The following MBIP variants were observed in gnomAD, a reference collection of about 807,000 sequenced individuals.
MBIP encodes the protein MAP3K12 binding inhibitory protein 1.
In MBIP, 32 loss-of-function variants were observed where a neutral mutation model predicts 45.7. The ratio of observed to expected loss-of-function variants is 0.70; its 90% CI spans 0.53 to 0.94. The LOEUF is 0.94. Ranked by LOEUF, MBIP falls within the 40% of genes least tolerant of loss-of-function variation. The pLI is 0.00. For synonymous variants in MBIP, 145 were observed against 141.0 expected, an observed-to-expected ratio of 1.03 and a Z score of -0.20; for missense variants, 381 against 405.5, an observed-to-expected ratio of 0.94 and a Z score of 0.52.
chr14:36,320,118 G>A (rs1443348217), intron 1 of MBIP, among the ~76,000 whole-genome samples: 2 of 151,996 alleles, frequency 1.3e-5, no homozygotes, highest in African/African-American at 4.8e-5. Context: ...GTAAGTTGGA[G>A]GAAAAAGGAC....
At chr14:36,306,403 C>T (rs965049531) in intron 7 of MBIP, among the ~76,000 whole-genome samples, 2 of 152,026 alleles carry the variant, frequency 1.3e-5, no homozygotes, top group Non-Finnish European at 2.9e-5. Flanking sequence ...TATAGGCATG[C>T]GCCACCATGC....
intron 7 of MBIP, among the ~76,000 whole-genome samples, chr14:36,305,764 T>A (rs996508805): frequency 6.6e-6 from 1 of 152,168 alleles, no homozygotes; most frequent in Admixed American, 6.5e-5. Flanking sequence ...CACAAAAGTA[T>A]CTCTCTCTCT....
At chr14:36,316,672 C>G in intron 2 of MBIP, 21 bp downstream of exon 2, 5 of 1,588,326 alleles carry the variant, frequency 3.1e-6, no homozygotes, top group Non-Finnish European at 4.3e-6. Context: ...ATCGGGTTAT[C>G]ATTTCTAACA....
intron 4 of MBIP, 151 bp from the exon 5 acceptor site, chr14:36,312,175 T>C (rs1314421188): frequency 4.4e-6 from 2 of 450,958 alleles, no homozygotes; most frequent in Non-Finnish European, 7.8e-6. Flanking sequence ...ACACATAGGA[T>C]AGAATTTAGT....
Position 36,298,934 on chromosome 14 carries a change from T to C in MBIP, c.*149A>G, listed in dbSNP as rs1013456717. 3 of 492,372 alleles carry C rather than the reference T, an allele frequency of 6.1e-6. No homozygotes were observed. The highest frequency in any genetic ancestry group is 1.1e-5 in the Non-Finnish European group (3 of 276,534). The allele number at this position is 492,372 out of a possible 1,614,324, so 30.5% of individuals were successfully genotyped here. A position where few individuals can be genotyped will look rare whatever the true frequency, so the allele number is the denominator to read the frequency against. The stretch of plus-strand genomic sequence containing the variant: ...CAAAACTTACTGGAATATTTGAAGA[T>C]TACTTGCTGCAAGCTGGACTCATGT... On this transcript the variant is annotated 3_prime_UTR_variant, in exon 9 of 9. Coordinates refer to ENST00000416007, the MANE Select transcript of MBIP (RefSeq NM_016586.3).
intron 8 of MBIP, among the ~76,000 whole-genome samples, chr14:36,300,050 AT>A (rs1879442866): frequency 6.6e-6 from 1 of 152,192 alleles, no homozygotes; most frequent in South Asian, 2.1e-4. Context: ...GATGAATTTT[AT>A]GTTATGTGAA....
rs762951726 is a variant in MBIP at position 36,308,122 on chromosome 14, T to G, written c.858A>C (p.Glu286Asp). 6.2e-7 allele frequency: 1 copy of G among 1,600,904 alleles called. No homozygotes were observed. The highest frequency in any genetic ancestry group is 1.1e-5 in the South Asian group (1 of 90,666). The change falls in exon 7 of 9, where the codon GAA (glutamate) becomes GAC (aspartate). Residue 286 changes from glutamate to aspartate, a missense_variant. Coordinates refer to ENST00000416007, the MANE Select transcript of MBIP (RefSeq NM_016586.3). ...ACTGAAAATATTCAGGAGAGATGCC[T>G]TCCAATTCAAGGATTTTATCCTCAA... The part of the protein sequence containing the change: ...KKLEDKILEL[E>D]GISPEYFQSV...
chr14:36,300,515 C>G (rs769327370), intron 8 of MBIP, among the ~76,000 whole-genome samples: 14 of 152,162 alleles, frequency 9.2e-5, no homozygotes, highest in Admixed American at 3.3e-4. Flanking sequence ...TACTTGAGCA[C>G]TTACTATTTT....
intron 1 of MBIP, among the ~76,000 whole-genome samples, chr14:36,317,152 T>C (rs1195873148): frequency 6.6e-6 from 1 of 152,140 alleles, no homozygotes; most frequent in Non-Finnish European, 1.5e-5. Flanking sequence ...TGGAGTCCAA[T>C]ATAGGCTTGC....
rs1042834183 is a variant in MBIP, at chr14:36,298,665, T to C, written c.*418A>G. 7 of 154,388 alleles carry C rather than the reference T, an allele frequency of 4.5e-5. No homozygotes were observed. The highest frequency in any genetic ancestry group is 1.2e-4 in the African/African-American group (5 of 41,616). The allele number at this position is 154,388 out of a possible 1,614,324, so 9.6% of individuals were successfully genotyped here. A position where few individuals can be genotyped will look rare whatever the true frequency, so the allele number is the denominator to read the frequency against. ...TTTAAAATTCATTTCAGTCAATAAA[T>C]TTTTGTTGAATGCTTATTATATGCA... On this transcript the variant is annotated 3_prime_UTR_variant, in exon 9 of 9. Coordinates refer to ENST00000416007, the MANE Select transcript of MBIP (RefSeq NM_016586.3).
At chr14:36,314,138 TATTA>T in intron 4 of MBIP, 1 of 165,282 alleles carries the variant, frequency 6.1e-6, no homozygotes, top group South Asian at 1.9e-4. Context: ...TTCACTTACG[TATTA>T]ACATCATGAT....
chr14:36,314,859 T>G lies in MBIP; in HGVS notation c.306A>C (p.Glu102Asp). The G allele has an allele frequency of 6.2e-7, 1 of 1,613,514 alleles. No individual in the cohort carries two copies. The highest frequency in any genetic ancestry group is 8.5e-7 in the Non-Finnish European group (1 of 1,179,634). ...TCCCCATTTCTGTTCTTCCTATCTCTTCAACAGCAGTTGTATTCTCCTCTT... is the reference window on the plus strand; with the variant it reads ...TCCCCATTTCTGTTCTTCCTATCTCGTCAACAGCAGTTGTATTCTCCTCTT... ...PIKEENTTAV[E>D]EIGRTEMGNK... is the part of the protein sequence containing the mutation. The change falls in exon 3 of 9, where the codon GAA (glutamate) becomes GAC (aspartate). Residue 102 changes from glutamate (E) to aspartate (D), a missense_variant. By Grantham distance (45) the Glu-to-Asp change is conservative (BLOSUM62 2). Coordinates refer to ENST00000416007, the MANE Select transcript of MBIP (RefSeq NM_016586.3).
At chr14:36,300,682 G>C in intron 8 of MBIP, 103 bp downstream of exon 8, 1 of 778,732 alleles carries the variant, frequency 1.3e-6, no homozygotes, top group South Asian at 2.1e-5. Context: ...AATTTTACCA[G>C]GGTATGACCT....
At position 36,300,830 on chromosome 14, in the gene MBIP, TAAA is replaced by T; in HGVS notation, c.889-10_889-8del. On this transcript the variant is annotated splice_polypyrimidine_tract_variant and splice_region_variant and intron_variant, in intron 7 of 8. Transcript: ENST00000416007. ...TTCTTTTTCCAGAAAAGCTCTAGAT[TAAA>T]AAAAAAAAGGTAATGTTTAGAAAAA... The T allele has an allele frequency of 5.7e-6, 7 of 1,219,348 alleles. No homozygotes were observed. Among genetic ancestry groups the T allele is most frequent in the African/African-American group, 1.6e-5 (1 of 62,628 alleles). 75.5% of individuals were successfully genotyped at this position (1,219,348 alleles called of 1,614,324 possible). A position where few individuals can be genotyped will look rare whatever the true frequency, so the allele number is the denominator to read the frequency against.
Position 36,314,893 on chromosome 14 carries a change from G to C in MBIP, c.272C>G (p.Ser91Cys). The change falls in exon 3 of 9, where the codon TCT (serine) becomes TGT (cysteine). Residue 91 changes from serine (S) to cysteine (C), a missense_variant. By Grantham distance (112) the Ser-to-Cys change is moderately radical (BLOSUM62 -1). Coordinates refer to ENST00000416007, the MANE Select transcript of MBIP (RefSeq NM_016586.3). ...AGTTGTATTCTCCTCTTTAATCGGA[G>C]ACTGAAGTTTTGCTAAAAAAGGCTG... is the stretch of plus-strand genomic sequence containing the variant. ...YLQPFLAKLQ[S>C]PIKEENTTAV... The C allele has an allele frequency of 6.2e-7, 1 of 1,612,842 alleles. No individual in the cohort carries two copies. Among genetic ancestry groups the C allele is most frequent in the Non-Finnish European group, 8.5e-7 (1 of 1,179,230 alleles).
At chr14:36,303,223 G>A (rs1879676858) in intron 7 of MBIP, among the ~76,000 whole-genome samples, 1 of 152,170 alleles carries the variant, frequency 6.6e-6, no homozygotes, top group South Asian at 2.1e-4. Context: ...ATAAAAGGTG[G>A]ACATTTTAAC....
At chr14:36,306,190 TCAAAA>T (rs1186306808) in intron 7 of MBIP, among the ~76,000 whole-genome samples, 1 of 151,990 alleles carries the variant, frequency 6.6e-6, no homozygotes, top group Non-Finnish European at 1.5e-5. Flanking sequence ...CTGTAACAGA[TCAAAA>T]CAAAACAAAA....
chr14:36,315,223 C>T (rs1216848504), intron 2 of MBIP, among the ~76,000 whole-genome samples: 1 of 152,112 alleles, frequency 6.6e-6, no homozygotes, highest in Non-Finnish European at 1.5e-5. Flanking sequence ...TTCTGTCACT[C>T]ATCTTTTATT....
At position 36,299,015 on chromosome 14, in the gene MBIP, A is replaced by C; in HGVS notation, c.*68T>G. The C allele has an allele frequency of 9.1e-7, 1 of 1,098,550 alleles. No individual in the cohort carries two copies. Among genetic ancestry groups the C allele is most frequent in the Non-Finnish European group, 1.4e-6 (1 of 720,502 alleles). 68.1% of individuals were successfully genotyped at this position (1,098,550 alleles called of 1,614,324 possible). Reference sequence around the variant, plus strand: ...TACATTGATAAATATATATCCGTTGAATTAATAACAGTGTAAGTTACACAT... The same window carrying C: ...TACATTGATAAATATATATCCGTTGCATTAATAACAGTGTAAGTTACACAT... On this transcript the variant is annotated 3_prime_UTR_variant, in exon 9 of 9. Coordinates refer to ENST00000416007, the MANE Select transcript of MBIP (RefSeq NM_016586.3).
Sources: allele counts gnomAD v4.1 joint callset (sites outside exome capture counted in the v4.1 genomes callset), GRCh38; gene constraint gnomAD v4.1.1; transcripts MANE v1.5; gene names NCBI Gene and HGNC (gene_info 2026-07-23, HGNC 2026-07-21).